Variants in MAP1B observed in about 807,000 individuals in gnomAD.
MAP1B encodes microtubule-associated protein 1B.
MAP1B carries 12 observed loss-of-function variants against 176.1 expected under a neutral mutation model. The ratio of observed to expected loss-of-function variants is 0.07; its 90% CI spans 0.04 to 0.11. The LOEUF is 0.11. Ranked by LOEUF, MAP1B falls within the 10% of genes least tolerant of loss-of-function variation. The pLI is 1.00. For missense variants in MAP1B, 2,523 were observed against 2,990.5 expected, an observed-to-expected ratio of 0.84 and a Z score of 3.65; for synonymous variants, 1,044 against 1,135.0, an observed-to-expected ratio of 0.92 and a Z score of 1.61.
chr5:72,109,593 G>C (rs1266262137), intron 1 of MAP1B, among the ~76,000 whole-genome samples: 1 of 152,176 alleles, frequency 6.6e-6, no homozygotes, highest in African/African-American at 2.4e-5. Context: ...GTGGTGCTAG[G>C]AGAGGGATCA....
At chr5:72,161,041 G>A (rs1746316607) in intron 2 of MAP1B, among the ~76,000 whole-genome samples, 1 of 152,198 alleles carries the variant, frequency 6.6e-6, no homozygotes, top group East Asian at 1.9e-4. Flanking sequence ...TGGGCCTGGG[G>A]AGAACATGTT....
intron 4 of MAP1B, among the ~76,000 whole-genome samples, chr5:72,187,093 C>T (rs1423214337): frequency 6.6e-6 from 1 of 152,184 alleles, no homozygotes; most frequent in Non-Finnish European, 1.5e-5. Context: ...TGAAATAATA[C>T]TCCAAAGATA....
chr5:72,178,280 G>A (rs1452997794), intron 2 of MAP1B, among the ~76,000 whole-genome samples: 3 of 152,234 alleles, frequency 2.0e-5, no homozygotes, highest in African/African-American at 7.2e-5. Context: ...TGGGATTACA[G>A]GCATGAGCCA....
intron 2 of MAP1B, among the ~76,000 whole-genome samples, chr5:72,174,214 T>C (rs1746604580): frequency 6.6e-6 from 1 of 152,228 alleles, no homozygotes; most frequent in Non-Finnish European, 1.5e-5. Context: ...CAGCTAACTC[T>C]TATTGAGGAA....
rs1746232104 is a variant in MAP1B at position 72,156,537 on chromosome 5, AG to A, written c.287-27205del. Among the ~76,000 whole-genome samples the A allele has an allele frequency of 2.6e-5, 4 of 152,250 alleles. No individual in the cohort carries two copies. In the South Asian group the frequency reaches 8.3e-4, roughly 31 times the overall value. On this transcript the variant is annotated intron_variant, in intron 2 of 6. Coordinates refer to ENST00000296755, the MANE Select transcript of MAP1B (RefSeq NM_005909.5). ...TATGATAGAGATGCTTAAGGACAGT[AG>A]AAAGATGAGCTATCCACTTCTGACC...
At position 72,193,949 on chromosome 5, in the gene MAP1B, C is replaced by T. The variant is rs374838438; in HGVS notation, c.594C>T (p.Asn198=). 3 of 1,614,170 alleles carry T rather than the reference C, an allele frequency of 1.9e-6. No individual in the cohort carries two copies. The highest frequency in any genetic ancestry group is 2.5e-6 in the Non-Finnish European group (3 of 1,180,012). ...GTCCTGAAGAAGGGGACTGGAAGAACTCCAATCTTGACAGACACAATCTCC... is the reference window on the plus strand; with the variant it reads ...GTCCTGAAGAAGGGGACTGGAAGAATTCCAATCTTGACAGACACAATCTCC... ...LFCPEEGDWK[N]SNLDRHNLQD... The change falls in exon 5 of 7, where the codon AAC becomes AAT. Residue 198 remains asparagine, a synonymous_variant. Coordinates refer to ENST00000296755, the MANE Select transcript of MAP1B (RefSeq NM_005909.5).
At chr5:72,108,566 G>C (rs977146054) in intron 1 of MAP1B, among the ~76,000 whole-genome samples, 1 of 152,204 alleles carries the variant, frequency 6.6e-6, no homozygotes. Context: ...ATAGCGGTAC[G>C]CCGGGGACCC....
chr5:72,167,574 C>T (rs1266599417), intron 2 of MAP1B, among the ~76,000 whole-genome samples: 1 of 152,102 alleles, frequency 6.6e-6, no homozygotes, highest in Non-Finnish European at 1.5e-5. Context: ...TCTAGTGTTC[C>T]GTTAGATATC....
intron 2 of MAP1B, among the ~76,000 whole-genome samples, chr5:72,180,459 T>C (rs146152688): frequency 1.1e-4 from 16 of 152,366 alleles, no homozygotes; most frequent in African/African-American, 3.4e-4. Context: ...TTCATGTGTC[T>C]TGCCAATTTT....
At chr5:72,192,857 G>C (rs548773810) in intron 4 of MAP1B, among the ~76,000 whole-genome samples, 3 of 152,348 alleles carry the variant, frequency 2.0e-5, no homozygotes, top group South Asian at 2.1e-4. Flanking sequence ...TATGGAGTGA[G>C]AGAGACAAGT....
intron 2 of MAP1B, among the ~76,000 whole-genome samples, chr5:72,151,275 G>A (rs1746134631): frequency 6.6e-6 from 1 of 152,122 alleles, no homozygotes. Flanking sequence ...CTCACTTCAT[G>A]AGAACAGCAC....
chr5:72,178,728 GTGT>G (rs1561307850), intron 2 of MAP1B, among the ~76,000 whole-genome samples: 36 of 69,778 alleles, frequency 5.2e-4, no homozygotes, highest in East Asian at 1.4e-3. Context: ...TCTGAGGGGT[GTGT>G]GTGTGTGTGT....
intron 4 of MAP1B, among the ~76,000 whole-genome samples, chr5:72,187,567 A>G (rs1237222700): frequency 6.6e-6 from 1 of 152,206 alleles, no homozygotes; most frequent in Admixed American, 6.5e-5. Context: ...GCAGATTTCT[A>G]CATGGAGGGA....
chr5:72,117,329 T>A (rs1745452823), intron 2 of MAP1B, among the ~76,000 whole-genome samples: 2 of 152,218 alleles, frequency 1.3e-5, no homozygotes, highest in Admixed American at 1.3e-4. Context: ...AAAAGTATGA[T>A]TATTTCAAAA....
intron 2 of MAP1B, among the ~76,000 whole-genome samples, chr5:72,167,932 C>G (rs1332374988): frequency 1.3e-5 from 2 of 152,226 alleles, no homozygotes; most frequent in Non-Finnish European, 2.9e-5. Flanking sequence ...CATCTTCTGT[C>G]ATTTAAGAAT....
intron 2 of MAP1B, among the ~76,000 whole-genome samples, chr5:72,133,147 G>T (rs976197394): frequency 6.6e-6 from 1 of 152,214 alleles, no homozygotes; most frequent in Admixed American, 6.5e-5. Context: ...GTTTCTGCCT[G>T]TAATCCTAGA....
chr5:72,162,423 C>T (rs577260353), intron 2 of MAP1B, among the ~76,000 whole-genome samples: 83 of 150,492 alleles, frequency 5.5e-4, no homozygotes, highest in African/African-American at 1.9e-3. Flanking sequence ...TCTCCTTCTT[C>T]TCTTACTTCT....
chr5:72,184,708 TG>T (rs1434410976), intron 3 of MAP1B, among the ~76,000 whole-genome samples: 5 of 151,972 alleles, frequency 3.3e-5, no homozygotes, highest in Admixed American at 3.3e-4. Context: ...GAGATAGAGT[TG>T]CTTCTCGGAC....
intron 2 of MAP1B, among the ~76,000 whole-genome samples, chr5:72,128,500 A>ATACC (rs534749189): frequency 2.2e-4 from 34 of 152,120 alleles, no homozygotes; most frequent in Non-Finnish European, 3.5e-4. Flanking sequence ...TTCGAAGAAA[A>ATACC]TACCTGAGTT....
Sources: allele counts gnomAD v4.1 joint callset (sites outside exome capture counted in the v4.1 genomes callset), GRCh38; gene constraint gnomAD v4.1.1; transcripts MANE v1.5; gene names NCBI Gene and HGNC (gene_info 2026-07-23, HGNC 2026-07-21).